The following MAST4 variants were observed in gnomAD, a reference collection of about 807,000 sequenced individuals.
The protein encoded by MAST4 is microtubule-associated serine/threonine-protein kinase 4.
A neutral mutation model predicts 162.7 loss-of-function variants in MAST4; 89 were observed. The observed-to-expected ratio is 0.55, with a 90% CI of 0.46 to 0.65. The LOEUF (loss-of-function observed/expected upper bound fraction) is 0.65, where lower values mean the gene tolerates loss of function less well. Ranked by LOEUF, MAST4 falls within the 30% of genes least tolerant of loss-of-function variation. The pLI is 0.00. For missense variants in MAST4, 3,153 were observed against 3,374.0 expected (o/e 0.93, Z 1.62); for synonymous variants, 1,479 against 1,361.1 (o/e 1.09, Z -1.91).
chr5:67,004,679 C>T (rs1384662212), intron 4 of MAST4: 2 of 249,432 alleles, frequency 8.0e-6, no homozygotes, highest in East Asian at 7.6e-5. Context: ...GCAGAACGCA[C>T]GGCTCAACTC....
At chr5:66,934,425 A>AACTT (rs1324957274) in intron 4 of MAST4, among the ~76,000 whole-genome samples, 7 of 152,264 alleles carry the variant, frequency 4.6e-5, no homozygotes, top group African/African-American at 1.7e-4. Flanking sequence ...ATATTTAGCC[A>AACTT]GCTTGATTAT....
intron 2 of MAST4, among the ~76,000 whole-genome samples, chr5:66,785,042 G>A (rs1033314519): frequency 4.5e-4 from 68 of 152,200 alleles, no homozygotes; most frequent in Non-Finnish European, 3.8e-4. Context: ...TTGTGCCATT[G>A]TACAACATGG....
chr5:67,104,289 T>TA, intron 9 of MAST4, 77 bp from the exon 10 acceptor site: 1 of 1,185,566 alleles, frequency 8.4e-7, no homozygotes, highest in South Asian at 1.2e-5. Context: ...GAAAATGCTG[T>TA]AAAAATGTGA....
chr5:66,861,079 A>C (rs1295038712), intron 3 of MAST4, among the ~76,000 whole-genome samples: 1 of 152,172 alleles, frequency 6.6e-6, no homozygotes, highest in African/African-American at 2.4e-5. Flanking sequence ...TAATTGGGTC[A>C]CAGTAACTGG....
At chr5:67,161,814 A>G (rs958265823) in intron 27 of MAST4, among the ~76,000 whole-genome samples, 1 of 152,206 alleles carries the variant, frequency 6.6e-6, no homozygotes, top group African/African-American at 2.4e-5. Context: ...TGTGCTTTAA[A>G]TCATTTAGAA....
chr5:66,714,414 G>A (rs527878838), intron 1 of MAST4, among the ~76,000 whole-genome samples: 49 of 152,224 alleles, frequency 3.2e-4, no homozygotes, highest in Admixed American at 5.9e-4. Flanking sequence ...AAAAATCTAG[G>A]AACTGAGAAG....
At chr5:67,154,841 T>A (rs576232741) in intron 26 of MAST4, among the ~76,000 whole-genome samples, 31 of 152,232 alleles carry the variant, frequency 2.0e-4, no homozygotes, top group Admixed American at 5.2e-4. Flanking sequence ...CAGTGAACTG[T>A]GTAATCATGC....
At chr5:66,944,585 A>G (rs906233051) in intron 4 of MAST4, among the ~76,000 whole-genome samples, 1 of 152,116 alleles carries the variant, frequency 6.6e-6, no homozygotes, top group Non-Finnish European at 1.5e-5. Flanking sequence ...TCTAATATGT[A>G]CTTTGTATTA....
chr5:66,967,490 A>G (rs1746884044), intron 4 of MAST4, among the ~76,000 whole-genome samples: 1 of 152,108 alleles, frequency 6.6e-6, no homozygotes, highest in South Asian at 2.1e-4. Flanking sequence ...GTGGTAAGAC[A>G]AATTTGGGCG....
intron 17 of MAST4, among the ~76,000 whole-genome samples, chr5:67,134,224 G>T (rs530595513): frequency 3.9e-5 from 6 of 152,234 alleles, no homozygotes; most frequent in African/African-American, 1.4e-4. Context: ...ATTATAAGTG[G>T]TTTTAATATT....
intron 1 of MAST4, among the ~76,000 whole-genome samples, chr5:66,603,551 G>T (rs1742683175): frequency 6.6e-6 from 1 of 152,202 alleles, no homozygotes; most frequent in African/African-American, 2.4e-5. Flanking sequence ...GAAAGATGGT[G>T]CAAGGCAGAT....
chr5:66,596,777 C>A lies in MAST4; in HGVS notation c.122C>A (p.Ser41Tyr). ...ASSPGASSAE[S>Y]SSGSETLSEE... ...TCTCCGGGTGCTTCCTCGGCCGAGT[C>A]CTCCTCGGGCTCAGAAACTCTGTCG... The change falls in exon 1 of 29, where the codon TCC becomes TAC. Residue 41 changes from serine to tyrosine, a missense_variant. Coordinates refer to ENST00000403625, the MANE Select transcript of MAST4 (RefSeq NM_001164664.2). 1 of 1,376,412 alleles carries A rather than the reference C, an allele frequency of 7.3e-7. No homozygotes were observed. Among genetic ancestry groups the A allele is most frequent in the South Asian group, 1.9e-5 (1 of 51,522 alleles). 85.3% of individuals were successfully genotyped at this position (1,376,412 alleles called of 1,614,324 possible). A position where few individuals can be genotyped will look rare whatever the true frequency, so the allele number is the denominator to read the frequency against.
At chr5:66,750,809 C>A (rs1330849509) in intron 1 of MAST4, among the ~76,000 whole-genome samples, 16 of 152,240 alleles carry the variant, frequency 1.1e-4, no homozygotes, top group Non-Finnish European at 2.2e-4. Flanking sequence ...TCAAGGAGGC[C>A]TGCCTGCCTC....
intron 14 of MAST4, among the ~76,000 whole-genome samples, chr5:67,124,927 G>A (rs1014521102): frequency 1.3e-5 from 2 of 152,206 alleles, no homozygotes; most frequent in East Asian, 3.9e-4. Flanking sequence ...TCATGGGTAA[G>A]TCCATTCTTC....
At chr5:66,724,620 G>A (rs979019969) in intron 1 of MAST4, among the ~76,000 whole-genome samples, 1 of 152,074 alleles carries the variant, frequency 6.6e-6, no homozygotes, top group Admixed American at 6.6e-5. Flanking sequence ...AGATGGTGTA[G>A]CTTACTACAT....
intron 20 of MAST4, 44 bp downstream of exon 20, chr5:67,142,281 G>A (rs1293483424): frequency 1.0e-5 from 16 of 1,599,904 alleles, no homozygotes; most frequent in East Asian, 6.7e-5. Context: ...GCCTTTACTC[G>A]ATAAATAATT....
At chr5:66,847,785 C>A (rs1758968456) in intron 3 of MAST4, among the ~76,000 whole-genome samples, 3 of 132,550 alleles carry the variant, frequency 2.3e-5, no homozygotes, top group Non-Finnish European at 4.6e-5. Flanking sequence ...TGTGCCACTA[C>A]TCTCCAGCCT....
At chr5:67,161,929 G>GC (rs1426537830) in intron 27 of MAST4, among the ~76,000 whole-genome samples, 1 of 152,286 alleles carries the variant, frequency 6.6e-6, no homozygotes, top group East Asian at 1.9e-4. Context: ...ACTTTGCACA[G>GC]CCCGATGCCC....
At position 67,167,085 on chromosome 5, in the gene MAST4, C is replaced by G. The variant is rs749238416; in HGVS notation, c.*34C>G. 1.3e-6 allele frequency: 2 copies of G among 1,507,082 alleles called. No homozygotes were observed. Among genetic ancestry groups the G allele is most frequent in the East Asian group, 4.6e-5 (2 of 43,698 alleles). The allele number at this position is 1,507,082 out of a possible 1,614,324, so 93.4% of individuals were successfully genotyped here. A position where few individuals can be genotyped will look rare whatever the true frequency, so the allele number is the denominator to read the frequency against. ...GCCCAGGGGCAGGACTGTGGAGACC[C>G]GTCCTGAACGGGCGACTGTGTCTTG... On this transcript the variant is annotated 3_prime_UTR_variant, in exon 29 of 29. Coordinates refer to ENST00000403625, the MANE Select transcript of MAST4 (RefSeq NM_001164664.2).
Sources: allele counts gnomAD v4.1 joint callset (sites outside exome capture counted in the v4.1 genomes callset), GRCh38; gene constraint gnomAD v4.1.1; transcripts MANE v1.5; gene names NCBI Gene and HGNC (gene_info 2026-07-23, HGNC 2026-07-21).